GLDN: variants seen among roughly 807,000 people sequenced by gnomAD.
GLDN encodes collomin.
In GLDN, 47 loss-of-function variants were observed where a neutral mutation model predicts 56.5. That is an observed-to-expected ratio of 0.83 (90% confidence interval 0.66 to 1.06). The LOEUF is 1.06. Among genes scored for constraint, GLDN ranks in the 50% least tolerant of loss-of-function variants. The pLI, the probability that GLDN is intolerant of heterozygous loss-of-function variation, is 0.00. For missense variants in GLDN, 782 were observed against 714.3 expected (o/e 1.09, Z -1.08); for synonymous variants, 332 against 278.8 (o/e 1.19, Z -1.90).
intron 1 of GLDN, among the ~76,000 whole-genome samples, chr15:51,355,517 CT>C (rs2037157849): frequency 7.5e-6 from 1 of 133,862 alleles, no homozygotes; most frequent in South Asian, 2.7e-4. Context: ...TTTTCTTTTT[CT>C]TTCTTTCTTT....
At position 51,386,126 on chromosome 15, in the gene GLDN, G is replaced by A. The variant is rs528845056; in HGVS notation, c.541+2234G>A. Among the ~76,000 whole-genome samples the A allele has an allele frequency of 6.6e-5, 10 of 152,256 alleles. No homozygotes were observed. The East Asian group carries it at 1.9e-3, about 29-fold the overall frequency. On this transcript the variant is annotated intron_variant, in intron 4 of 9. Transcript: ENST00000335449. ...GTTTCTGGGAGATCTCATAGGAACT[G>A]CAGCAAAGACACCCTTCTCTACAGC... is the stretch of plus-strand genomic sequence containing the variant.
intron 2 of GLDN, among the ~76,000 whole-genome samples, chr15:51,379,352 C>T (rs1033113728): frequency 6.6e-6 from 1 of 152,206 alleles, no homozygotes; most frequent in Non-Finnish European, 1.5e-5. Context: ...GCATCCTCTT[C>T]GTGTGTATCT....
At chr15:51,346,900 T>C (rs2036987796) in intron 1 of GLDN, among the ~76,000 whole-genome samples, 1 of 152,076 alleles carries the variant, frequency 6.6e-6, no homozygotes, top group African/African-American at 2.4e-5. Flanking sequence ...ACCCTGTCTC[T>C]ACTAAAAATA....
rs769495175 is a variant in GLDN, at chr15:51,404,559, C to G, written c.1461C>G (p.Thr487=). The change falls in exon 10 of 10, where the codon ACC becomes ACG. Residue 487 remains threonine, a synonymous_variant. Transcript: ENST00000335449. ...IARGILYVTD[T]KDMRVTFAFD... is the part of the protein sequence containing the mutation. ...GAGGAATCCTCTATGTCACAGACAC[C>G]AAAGATATGAGGGTCACATTTGCCT... 6.8e-6 allele frequency: 11 copies of G among 1,613,952 alleles called. No homozygotes were observed. Among genetic ancestry groups the G allele is most frequent in the South Asian group, 3.3e-5 (3 of 91,066 alleles).
intron 5 of GLDN, among the ~76,000 whole-genome samples, chr15:51,397,248 G>A (rs2038149313): frequency 1.3e-5 from 2 of 152,056 alleles, no homozygotes; most frequent in African/African-American, 2.4e-5. Context: ...GCTGTGAGGA[G>A]GCAGCTAAAG....
At chr15:51,371,188 C>T (rs16964313) in intron 1 of GLDN, among the ~76,000 whole-genome samples, 17,722 of 152,048 alleles carry the variant, frequency 0.12, 1,964 homozygotes, top group African/African-American at 0.29. Context: ...ATTTTGCTTT[C>T]GTCACTTAAC....
At chr15:51,386,612 G>C (rs777453888) in intron 4 of GLDN, among the ~76,000 whole-genome samples, 1 of 152,226 alleles carries the variant, frequency 6.6e-6, no homozygotes, top group Non-Finnish European at 1.5e-5. Context: ...TGCTGCTGTG[G>C]CTGCTGCATG....
Position 51,372,254 on chromosome 15 carries a change from GCC to G in GLDN, c.364-5191_364-5190del, listed in dbSNP as rs2037531712. Among the ~76,000 whole-genome samples, 5 of 152,202 alleles carry G rather than the reference GCC, an allele frequency of 3.3e-5. No individual in the cohort carries two copies. In the South Asian group the frequency reaches 1.0e-3, roughly 32 times the overall value. On this transcript the variant is annotated intron_variant, in intron 1 of 9. Transcript: ENST00000335449. The stretch of plus-strand genomic sequence containing the variant: ...TCATGATCCAATAACCTCTTAAAAG[GCC>G]CCCTTTCTCAATACTGCCACATTCA...
At chr15:51,370,648 A>G (rs76167408) in intron 1 of GLDN, among the ~76,000 whole-genome samples, 1 of 149,088 alleles carries the variant, frequency 6.7e-6, no homozygotes, top group South Asian at 2.1e-4. Context: ...AAAAAAAAAA[A>G]TCACTTATTA....
intron 4 of GLDN, chr15:51,384,755 CAGCCACCCGTCAA>C (rs2037851557): frequency 6.6e-6 from 1 of 152,320 alleles, no homozygotes; most frequent in Non-Finnish European, 1.5e-5. Context: ...GCCTGGCTCT[CAGCCACCCGTCAA>C]AGCCACTGCT....
chr15:51,395,065 G>A, intron 5 of GLDN, 84 bp downstream of exon 5: 1 of 1,365,014 alleles, frequency 7.3e-7, no homozygotes, highest in Non-Finnish European at 9.7e-7. Context: ...CTGCTCCTGT[G>A]TCTTCTCTCC....
At chr15:51,400,681 T>A (rs767604332) in intron 8 of GLDN, among the ~76,000 whole-genome samples, 183 bp downstream of exon 8, 4 of 152,210 alleles carry the variant, frequency 2.6e-5, no homozygotes, top group Non-Finnish European at 4.4e-5. Context: ...AACATGCTGG[T>A]GGCAAGCCTT....
intron 1 of GLDN, among the ~76,000 whole-genome samples, chr15:51,355,301 C>A (rs1185787698): frequency 6.6e-6 from 1 of 152,112 alleles, no homozygotes; most frequent in African/African-American, 2.4e-5. Flanking sequence ...GCAGGGATTT[C>A]CCAGAACTGA....
At chr15:51,370,020 G>A (rs924223431) in intron 1 of GLDN, among the ~76,000 whole-genome samples, 2 of 152,166 alleles carry the variant, frequency 1.3e-5, no homozygotes, top group African/African-American at 2.4e-5. Context: ...GGAGGCTGAG[G>A]CAGGAGGATC....
intron 1 of GLDN, among the ~76,000 whole-genome samples, chr15:51,357,210 A>G (rs962147026): frequency 1.2e-4 from 18 of 152,136 alleles, no homozygotes; most frequent in Non-Finnish European, 8.8e-5. Flanking sequence ...TCACTTTAAT[A>G]AATCTTGCCA....
Position 51,359,337 on chromosome 15 carries a change from G to A in GLDN, c.363+17290G>A, listed in dbSNP as rs115101747. 8.4e-3 allele frequency among the ~76,000 whole-genome samples: 1,279 copies of A among 152,330 alleles called. 20 individuals carry two copies. The highest frequency in any genetic ancestry group is 0.029 in the African/African-American group (1,206 of 41,564). ...TAGCATGGAGAGATACTATGTTGTC[G>A]TTAGGTCAAACATTAACTCCCAGCG... On this transcript the variant is annotated intron_variant, in intron 1 of 9. Transcript: ENST00000335449.
chr15:51,368,382 G>A (rs951456608), intron 1 of GLDN, among the ~76,000 whole-genome samples: 1 of 151,988 alleles, frequency 6.6e-6, no homozygotes, highest in African/African-American at 2.4e-5. Flanking sequence ...TTTTTGGAAG[G>A]CTGAGAAAGA....
Position 51,383,882 on chromosome 15 carries a change from A to G in GLDN, c.531A>G (p.Arg177=). ...GAGAAAAAGGAGCAAATGGAAAAAG[A>G]GGAAAAATGGGTATTTTTGGCAACT... The part of the protein sequence containing the change: ...PKGEKGANGK[R]GKMGIPGAAG... The change falls in exon 4 of 10, where the codon AGA becomes AGG. Residue 177 remains arginine (R), a synonymous_variant. Transcript: ENST00000335449. The G allele has an allele frequency of 6.2e-7, 1 of 1,606,832 alleles. No individual in the cohort carries two copies. Among genetic ancestry groups the G allele is most frequent in the African/African-American group, 1.3e-5 (1 of 74,958 alleles).
intron 5 of GLDN, 137 bp downstream of exon 5, chr15:51,395,118 A>G: frequency 1.2e-6 from 1 of 846,528 alleles, no homozygotes; most frequent in Non-Finnish European, 1.7e-6. Flanking sequence ...CATGTTTTGG[A>G]GTTCTATGCT....
Sources: allele counts gnomAD v4.1 joint callset (sites outside exome capture counted in the v4.1 genomes callset), GRCh38; gene constraint gnomAD v4.1.1; transcripts MANE v1.5; gene names NCBI Gene and HGNC (gene_info 2026-07-23, HGNC 2026-07-21).